The following KALRN variants were observed in gnomAD, a reference collection of about 807,000 sequenced individuals.
KALRN encodes the protein kalirin.
A neutral mutation model predicts 353.7 loss-of-function variants in KALRN; 70 were observed. The ratio of observed to expected loss-of-function variants is 0.20; its 90% CI spans 0.16 to 0.24. KALRN has a LOEUF of 0.24. KALRN is among the 10% of genes least tolerant of loss of function. The pLI is 1.00. For synonymous variants in KALRN, 1,391 were observed against 1,434.8 expected, an observed-to-expected ratio of 0.97 and a Z score of 0.69; for missense variants, 2,791 against 3,756.7, an observed-to-expected ratio of 0.74 and a Z score of 6.72.
At chr3:124,200,686 C>T (rs1197612717) in intron 1 of KALRN, among the ~76,000 whole-genome samples, 2 of 152,148 alleles carry the variant, frequency 1.3e-5, no homozygotes, top group East Asian at 1.9e-4. Flanking sequence ...AGTGACTCAG[C>T]ATGTTACATG....
At chr3:124,491,880 TGGGA>T (rs2063201545) in intron 31 of KALRN, among the ~76,000 whole-genome samples, 1 of 152,220 alleles carries the variant, frequency 6.6e-6, no homozygotes, top group African/African-American at 2.4e-5. Flanking sequence ...CCTTATTCCC[TGGGA>T]ACCTACATTC....
intron 21 of KALRN, among the ~76,000 whole-genome samples, chr3:124,450,397 G>C (rs1197774482): frequency 6.6e-6 from 1 of 152,216 alleles, no homozygotes; most frequent in Non-Finnish European, 1.5e-5. Flanking sequence ...AGAAAATTAA[G>C]TAGTAATGAA....
At chr3:124,468,609 A>G (rs1279296798) in intron 25 of KALRN, among the ~76,000 whole-genome samples, 1 of 152,234 alleles carries the variant, frequency 6.6e-6, no homozygotes, top group Non-Finnish European at 1.5e-5. Flanking sequence ...GAATTATCAA[A>G]TATAAAAGCC....
intron 58 of KALRN, among the ~76,000 whole-genome samples, chr3:124,716,422 G>A (rs1015270800): frequency 6.6e-6 from 1 of 152,206 alleles, no homozygotes; most frequent in African/African-American, 2.4e-5. Flanking sequence ...TACTTGGGAA[G>A]CTGAGACACC....
At chr3:124,398,553 C>G (rs2090455540) in intron 12 of KALRN, 144 bp from the exon 13 acceptor site, 1 of 821,014 alleles carries the variant, frequency 1.2e-6, no homozygotes, top group Non-Finnish European at 2.1e-6. Context: ...AGGCTCACAG[C>G]AGGAGTTTGA....
intron 37 of KALRN, among the ~76,000 whole-genome samples, chr3:124,649,047 G>A (rs1347541906): frequency 6.6e-6 from 1 of 152,078 alleles, no homozygotes; most frequent in African/African-American, 2.4e-5. Context: ...TGAAGACCCT[G>A]TCCTCTTAGT....
intron 3 of KALRN, among the ~76,000 whole-genome samples, chr3:124,253,061 C>T (rs1486979724): frequency 6.6e-6 from 1 of 152,210 alleles, no homozygotes; most frequent in African/African-American, 2.4e-5. Context: ...TTTTCTTTAA[C>T]ACCTGCTGAT....
chr3:124,612,402 C>T (rs333324), intron 34 of KALRN, among the ~76,000 whole-genome samples: 3,756 of 152,286 alleles, frequency 0.025, 159 homozygotes, highest in African/African-American at 0.086. Flanking sequence ...GGGGTTTCTC[C>T]ATGTTGGTCA....
At chr3:124,504,498 T>C (rs2064990741) in intron 33 of KALRN, among the ~76,000 whole-genome samples, 2 of 152,304 alleles carry the variant, frequency 1.3e-5, no homozygotes, top group South Asian at 4.2e-4. Flanking sequence ...TGAATGTCCT[T>C]GCATCACCTC....
chr3:124,545,858 G>A (rs116326385), intron 33 of KALRN, among the ~76,000 whole-genome samples: 1,955 of 152,280 alleles, frequency 0.013, 20 homozygotes, highest in Non-Finnish European at 0.023. Flanking sequence ...GACAGCAACC[G>A]TCTTAACTCT....
intron 1 of KALRN, among the ~76,000 whole-genome samples, chr3:124,198,309 G>A (rs777320409): frequency 2.6e-5 from 4 of 152,190 alleles, no homozygotes; most frequent in African/African-American, 4.8e-5. Flanking sequence ...ACACAGTCAA[G>A]TTTCTTAACT....
chr3:124,188,878 A>G (rs1043673198), intron 1 of KALRN, among the ~76,000 whole-genome samples: 1 of 152,172 alleles, frequency 6.6e-6, no homozygotes, highest in African/African-American at 2.4e-5. Context: ...CACAGTAGCA[A>G]TGCAGAGGGG....
intron 10 of KALRN, among the ~76,000 whole-genome samples, chr3:124,352,045 C>T (rs148694467): frequency 7.0e-4 from 106 of 152,290 alleles, no homozygotes; most frequent in African/African-American, 2.3e-3. Context: ...TGAGGTTGTG[C>T]GTGCTCAAAT....
chr3:124,398,971 G>A (rs187448699), intron 13 of KALRN, 100 bp downstream of exon 13: 11 of 1,233,662 alleles, frequency 8.9e-6, no homozygotes, highest in Non-Finnish European at 1.2e-5. Flanking sequence ...GGAAATTAGA[G>A]CATCCAGCAT....
chr3:124,102,671 T>A (rs760955307), intron 1 of KALRN, among the ~76,000 whole-genome samples: 3 of 152,208 alleles, frequency 2.0e-5, no homozygotes, highest in Non-Finnish European at 4.4e-5. Context: ...TTGTCAGGGA[T>A]AATTTCCCTC....
At chr3:124,162,164 C>T (rs2070074706) in intron 1 of KALRN, 1 of 152,344 alleles carries the variant, frequency 6.6e-6, no homozygotes, top group African/African-American at 2.4e-5. Context: ...AGGAAAAATT[C>T]AGTGCCTTCA....
chr3:124,286,070 CTT>C (rs2075804615), intron 5 of KALRN, among the ~76,000 whole-genome samples: 2 of 106,846 alleles, frequency 1.9e-5, no homozygotes, highest in Non-Finnish European at 4.1e-5. Flanking sequence ...TGTTTTCTTT[CTT>C]TCTTTCCTTC....
At chr3:124,129,584 A>G (rs1377519987) in intron 1 of KALRN, among the ~76,000 whole-genome samples, 1 of 152,220 alleles carries the variant, frequency 6.6e-6, no homozygotes, top group Non-Finnish European at 1.5e-5. Context: ...AATGGCACCA[A>G]GAGGCAAGGG....
At chr3:124,348,608 G>A (rs1439507342) in intron 10 of KALRN, among the ~76,000 whole-genome samples, 1 of 152,178 alleles carries the variant, frequency 6.6e-6, no homozygotes, top group Admixed American at 6.5e-5. Flanking sequence ...GTAAAATGGT[G>A]CAGCCACTGT....
Sources: gnomAD v4.1 joint callset for allele counts (sites outside exome capture counted in the v4.1 genomes callset) on GRCh38, gnomAD v4.1.1 for gene constraint, MANE v1.5 for transcripts, NCBI Gene and HGNC (gene_info 2026-07-23, HGNC 2026-07-21) for gene names.